GDPD1: variants seen among roughly 807,000 people sequenced by gnomAD.
GDPD1 encodes the protein glycerophosphodiester phosphodiesterase domain containing 1, also known as lysophospholipase D GDPD1.
Under a neutral mutation model 45.1 loss-of-function variants are expected in GDPD1, and 28 were observed. The observed-to-expected ratio is 0.62, with a 90% CI of 0.46 to 0.85. The LOEUF (loss-of-function observed/expected upper bound fraction) is 0.85, where lower values mean the gene tolerates loss of function less well. GDPD1 is among the 40% of genes least tolerant of loss of function. The pLI is 0.00. For synonymous variants in GDPD1, 139 were observed against 131.4 expected, an observed-to-expected ratio of 1.06 and a Z score of -0.40; for missense variants, 256 against 364.8, an observed-to-expected ratio of 0.70 and a Z score of 2.43.
At chr17:59,244,440 C>G (rs2047196462) in intron 2 of GDPD1, among the ~76,000 whole-genome samples, 1 of 152,130 alleles carries the variant, frequency 6.6e-6, no homozygotes, top group Admixed American at 6.6e-5. Flanking sequence ...TTGTGATCTA[C>G]CCGCCTTGGC....
chr17:59,246,188 T>C (rs539254020), intron 3 of GDPD1, among the ~76,000 whole-genome samples: 13 of 152,248 alleles, frequency 8.5e-5, no homozygotes, highest in Admixed American at 5.9e-4. Flanking sequence ...GGAAAAATCA[T>C]GCATAATGTT....
chr17:59,272,558 A>C (rs1230048845), intron 8 of GDPD1, among the ~76,000 whole-genome samples: 1 of 152,210 alleles, frequency 6.6e-6, no homozygotes, highest in Non-Finnish European at 1.5e-5. Context: ...TGGTAGCAGC[A>C]AGAAGTAGAA....
intron 1 of GDPD1, among the ~76,000 whole-genome samples, chr17:59,224,513 T>TA (rs1165396802): frequency 6.6e-6 from 1 of 151,532 alleles, no homozygotes; most frequent in Non-Finnish European, 1.5e-5. Flanking sequence ...TAGTCCCAGC[T>TA]ACTCAGGAGG....
chr17:59,253,096 A>G (rs951745499), intron 4 of GDPD1, among the ~76,000 whole-genome samples: 1 of 152,092 alleles, frequency 6.6e-6, no homozygotes, highest in African/African-American at 2.4e-5. Flanking sequence ...GATAATCTAC[A>G]GTTGACTATA....
At chr17:59,249,877 C>A (rs564376071) in intron 4 of GDPD1, among the ~76,000 whole-genome samples, 1 of 152,148 alleles carries the variant, frequency 6.6e-6, no homozygotes, top group Non-Finnish European at 1.5e-5. Context: ...TATAACTGCT[C>A]CGTGAACTAG....
chr17:59,255,850 T>C (rs71375109), intron 4 of GDPD1, among the ~76,000 whole-genome samples: 32,399 of 74,124 alleles, frequency 0.44, 8,764 homozygotes, highest in African/African-American at 0.61. Context: ...TATATATATA[T>C]ACACACGTAT....
intron 1 of GDPD1, among the ~76,000 whole-genome samples, chr17:59,232,281 T>C (rs2047096885): frequency 6.6e-6 from 1 of 152,000 alleles, no homozygotes; most frequent in Admixed American, 6.6e-5. Context: ...TGAAACCCCA[T>C]CTCTACTAAA....
intron 2 of GDPD1, among the ~76,000 whole-genome samples, chr17:59,235,619 C>A (rs1314371934): frequency 6.6e-6 from 1 of 152,088 alleles, no homozygotes; most frequent in East Asian, 1.9e-4. Context: ...GAGTTCAAGA[C>A]CAGCCTGGCC....
chr17:59,230,370 ATTTTTTTTTTTTTTT>A (rs942416287), intron 1 of GDPD1, among the ~76,000 whole-genome samples: 35 of 80,080 alleles, frequency 4.4e-4, no homozygotes, highest in Admixed American at 1.4e-3. Context: ...CAGTTGTAGA[ATTTTTTTTTTTTTTT>A]TTTTTTTTTT....
In GDPD1 at chr17:59,275,194, T is replaced by C; in HGVS notation, c.*1421T>C. On this transcript the variant is annotated 3_prime_UTR_variant, in exon 10 of 10. Transcript: ENST00000284116. ...AGCTATTTGGTAGTGTCTTGTTATT[T>C]CTAGGTGTACCTTAGTTAAAGAGGA... 6.5e-7 allele frequency: 1 copy of C among 1,537,118 alleles called. No individual in the cohort carries two copies.
At chr17:59,261,490 T>TTCA (rs1568348925) in intron 6 of GDPD1, among the ~76,000 whole-genome samples, 2 of 151,228 alleles carry the variant, frequency 1.3e-5, no homozygotes, top group African/African-American at 2.4e-5. Flanking sequence ...AATGATTTAT[T>TTCA]TTATTATTAT....
chr17:59,221,574 G>A (rs1433737013), intron 1 of GDPD1, among the ~76,000 whole-genome samples: 3 of 152,072 alleles, frequency 2.0e-5, no homozygotes, highest in African/African-American at 7.2e-5. Flanking sequence ...GTTTCTTTTG[G>A]AAAAGTGTTT....
chr17:59,222,536 CAG>C (rs1333100652), intron 1 of GDPD1, among the ~76,000 whole-genome samples: 2 of 44,924 alleles, frequency 4.5e-5, no homozygotes, highest in Non-Finnish European at 9.1e-5. Context: ...TTTTTTGAGA[CAG>C]AGTTTCCCTC....
At chr17:59,231,877 C>G (rs1259223591) in intron 1 of GDPD1, among the ~76,000 whole-genome samples, 1 of 152,072 alleles carries the variant, frequency 6.6e-6, no homozygotes, top group Non-Finnish European at 1.5e-5. Context: ...ATCTTTCTAC[C>G]TCAGCCTCCC....
At chr17:59,245,004 A>T (rs2047199928) in intron 2 of GDPD1, among the ~76,000 whole-genome samples, 1 of 152,154 alleles carries the variant, frequency 6.6e-6, no homozygotes, top group African/African-American at 2.4e-5. Flanking sequence ...TCAAAAAAAT[A>T]AAATAAATAA....
intron 6 of GDPD1, among the ~76,000 whole-genome samples, chr17:59,265,196 A>T (rs958644376): frequency 1.3e-5 from 2 of 152,018 alleles, no homozygotes; most frequent in Non-Finnish European, 2.9e-5. Context: ...AATATATATT[A>T]TGTTTTTATT....
intron 4 of GDPD1, among the ~76,000 whole-genome samples, chr17:59,255,831 GTA>G (rs369473417): frequency 0.51 from 31,705 of 62,682 alleles, 8,129 homozygotes; most frequent in African/African-American, 0.59. Flanking sequence ...ATATATACGC[GTA>G]TATATATATA....
At chr17:59,242,678 A>G (rs943532579) in intron 2 of GDPD1, among the ~76,000 whole-genome samples, 1 of 152,200 alleles carries the variant, frequency 6.6e-6, no homozygotes, top group Non-Finnish European at 1.5e-5. Flanking sequence ...CATGACCAGG[A>G]AAGATTAGGC....
At chr17:59,242,059 T>G (rs2047179464) in intron 2 of GDPD1, among the ~76,000 whole-genome samples, 1 of 152,110 alleles carries the variant, frequency 6.6e-6, no homozygotes, top group Non-Finnish European at 1.5e-5. Context: ...TTCTGGGTTT[T>G]TTTGTTTGTT....
Sources: gnomAD v4.1 joint callset for allele counts (sites outside exome capture counted in the v4.1 genomes callset) on GRCh38, gnomAD v4.1.1 for gene constraint, MANE v1.5 for transcripts, NCBI Gene and HGNC (gene_info 2026-07-23, HGNC 2026-07-21) for gene names.